The following COLGALT2 variants were observed in gnomAD, a reference collection of about 807,000 sequenced individuals.
The protein encoded by COLGALT2 is collagen beta(1-O)galactosyltransferase 2, also known as procollagen galactosyltransferase 2.
Under a neutral mutation model 73.4 loss-of-function variants are expected in COLGALT2, and 49 were observed. That is an observed-to-expected ratio of 0.67 (90% CI 0.53 to 0.85). The LOEUF (loss-of-function observed/expected upper bound fraction) is 0.85, where lower values mean the gene tolerates loss of function less well. COLGALT2 is among the 40% of genes least tolerant of loss of function. COLGALT2 has a pLI of 0.00. For synonymous variants in COLGALT2, 295 were observed against 307.6 expected, an observed-to-expected ratio of 0.96 and a Z score of 0.43; for missense variants, 722 against 790.2, an observed-to-expected ratio of 0.91 and a Z score of 1.03.
At chr1:183,995,134 T>C (rs1262822216) in intron 1 of COLGALT2, among the ~76,000 whole-genome samples, 1 of 152,090 alleles carries the variant, frequency 6.6e-6, no homozygotes, top group East Asian at 1.9e-4. Flanking sequence ...TGAATACATA[T>C]CAATAGTCAT....
intron 5 of COLGALT2, among the ~76,000 whole-genome samples, chr1:183,965,276 C>G (rs577673888): frequency 6.6e-6 from 1 of 152,312 alleles, no homozygotes; most frequent in African/African-American, 2.4e-5. Context: ...AGTTGCATCT[C>G]TACCCTAATT....
rs556071698 is a variant in COLGALT2, at chr1:183,952,578, A to G, written c.1030-1465T>C. ...GGTCATTCTGAATGCAGTCATAAAT[A>G]TATGTTTCACTGGAATTAAAAGCTA... On this transcript the variant is annotated intron_variant, in intron 7 of 11. Transcript: ENST00000361927. Among the ~76,000 whole-genome samples, 4 of 152,310 alleles carry G rather than the reference A, an allele frequency of 2.6e-5. No individual in the cohort carries two copies. In the South Asian group the frequency reaches 8.3e-4, roughly 32 times the overall value.
chr1:183,962,140 T>C (rs1670719369), intron 6 of COLGALT2, among the ~76,000 whole-genome samples: 1 of 148,506 alleles, frequency 6.7e-6, no homozygotes, highest in Non-Finnish European at 1.5e-5. Flanking sequence ...TTCTTTTCTT[T>C]TCTTTTTCTC....
intron 1 of COLGALT2, among the ~76,000 whole-genome samples, chr1:183,990,085 C>T (rs1671591960): frequency 6.6e-6 from 1 of 152,212 alleles, no homozygotes. Context: ...AAAAGATACA[C>T]ATGCCCATAG....
intron 4 of COLGALT2, among the ~76,000 whole-genome samples, chr1:183,971,209 G>T (rs1160437056): frequency 6.6e-6 from 1 of 152,140 alleles, no homozygotes; most frequent in Non-Finnish European, 1.5e-5. Context: ...ATTTTGTTTT[G>T]AATGAGTTTA....
At chr1:183,983,911 G>A (rs1014679620) in intron 1 of COLGALT2, among the ~76,000 whole-genome samples, 3 of 152,218 alleles carry the variant, frequency 2.0e-5, no homozygotes, top group Non-Finnish European at 4.4e-5. Context: ...ATCTGGAGAG[G>A]TGATCTGCAA....
intron 1 of COLGALT2, among the ~76,000 whole-genome samples, chr1:184,000,356 T>A (rs1282667340): frequency 2.0e-5 from 3 of 152,110 alleles, no homozygotes; most frequent in Non-Finnish European, 4.4e-5. Context: ...TCTCATTTTA[T>A]GTTTCTCCCT....
intron 1 of COLGALT2, among the ~76,000 whole-genome samples, chr1:184,001,410 C>T (rs1558332624): frequency 1.3e-5 from 2 of 152,034 alleles, no homozygotes; most frequent in Non-Finnish European, 2.9e-5. Flanking sequence ...ATATTATGTC[C>T]AAGTACTGTC....
At chr1:184,009,963 C>T (rs1029871247) in intron 1 of COLGALT2, among the ~76,000 whole-genome samples, 1 of 152,214 alleles carries the variant, frequency 6.6e-6, no homozygotes, top group African/African-American at 2.4e-5. Context: ...TTTCCATACA[C>T]TCATCAGTTA....
chr1:184,027,337 A>G (rs1453398545), intron 1 of COLGALT2, among the ~76,000 whole-genome samples: 1 of 152,158 alleles, frequency 6.6e-6, no homozygotes, highest in African/African-American at 2.4e-5. Flanking sequence ...GCAGTTCCCA[A>G]ACCAAGAAGA....
downstream of COLGALT2, among the ~76,000 whole-genome samples, chr1:183,935,206 T>C (rs971003365): frequency 2.6e-5 from 4 of 152,210 alleles, no homozygotes; most frequent in African/African-American, 9.7e-5. Context: ...CTGACAGTCC[T>C]CCTCTGCCCA....
intron 10 of COLGALT2, among the ~76,000 whole-genome samples, chr1:183,941,043 A>G (rs1004419056): frequency 2.0e-5 from 3 of 152,214 alleles, no homozygotes; most frequent in Non-Finnish European, 2.9e-5. Flanking sequence ...CAAGACGGAA[A>G]GTAAGATGTC....
chr1:183,976,425 G>A (rs980406174), intron 2 of COLGALT2, among the ~76,000 whole-genome samples: 1 of 150,278 alleles, frequency 6.7e-6, no homozygotes, highest in Admixed American at 6.6e-5. Context: ...AAGACTAGAA[G>A]AACAGAAACT....
At chr1:183,994,588 C>T (rs1013614892) in intron 1 of COLGALT2, among the ~76,000 whole-genome samples, 3 of 152,164 alleles carry the variant, frequency 2.0e-5, no homozygotes, top group Admixed American at 6.5e-5. Context: ...CCGAATAGCT[C>T]GGATTACTGG....
intron 1 of COLGALT2, among the ~76,000 whole-genome samples, chr1:183,983,024 T>C (rs755471758): frequency 4.6e-5 from 7 of 152,248 alleles, no homozygotes; most frequent in Non-Finnish European, 7.3e-5. Context: ...TGAACATCCT[T>C]AGAAATTAGC....
At chr1:184,006,254 TG>T (rs1232121522) in intron 1 of COLGALT2, among the ~76,000 whole-genome samples, 12 of 152,180 alleles carry the variant, frequency 7.9e-5, no homozygotes, top group Non-Finnish European at 1.6e-4. Flanking sequence ...AATCTTTAAC[TG>T]CAACTCTGGT....
chr1:183,954,693 G>A lies in COLGALT2; in HGVS notation c.1029+69C>T, dbSNP rs1670504661. The stretch of plus-strand genomic sequence containing the variant: ...GGCTCTCAGATGCAAGCTCAGGCTT[G>A]TGTTCCAAAATGAACACACAAGCCT... On this transcript the variant is annotated intron_variant, in intron 7 of 11. Coordinates refer to ENST00000361927, the MANE Select transcript of COLGALT2 (RefSeq NM_015101.4). The A allele has an allele frequency of 3.2e-6, 4 of 1,253,252 alleles. No homozygotes were observed. The South Asian group carries it at 3.7e-5, about 12-fold the overall frequency. 77.6% of individuals were successfully genotyped at this position (1,253,252 alleles called of 1,614,324 possible).
chr1:184,021,043 T>G (rs1460509028), intron 1 of COLGALT2, among the ~76,000 whole-genome samples: 1 of 152,092 alleles, frequency 6.6e-6, no homozygotes, highest in Non-Finnish European at 1.5e-5. Flanking sequence ...AGGATCTCAC[T>G]TCTGCCTATC....
intron 10 of COLGALT2, 128 bp from the exon 11 acceptor site, chr1:183,940,915 G>T: frequency 1.2e-6 from 1 of 815,938 alleles, no homozygotes; most frequent in Non-Finnish European, 2.0e-6. Flanking sequence ...ATTAAATGAT[G>T]TATCACATCC....
Sources: allele counts gnomAD v4.1 joint callset (sites outside exome capture counted in the v4.1 genomes callset), GRCh38; gene constraint gnomAD v4.1.1; transcripts MANE v1.5; gene names NCBI Gene and HGNC (gene_info 2026-07-23, HGNC 2026-07-21).